Variants in MTSS1 observed in about 807,000 individuals in gnomAD.
The protein encoded by MTSS1 is protein MTSS 1.
In MTSS1, 18 loss-of-function variants were observed where a neutral mutation model predicts 79.0. That is an observed-to-expected ratio of 0.23 (90% CI 0.16 to 0.34). The LOEUF (loss-of-function observed/expected upper bound fraction) is 0.34, where lower values mean the gene tolerates loss of function less well. Ranked by LOEUF, MTSS1 falls within the 10% of genes least tolerant of loss-of-function variation. The pLI is 1.00. For synonymous variants in MTSS1, 341 were observed against 368.6 expected (o/e 0.93, Z 0.86); for missense variants, 815 against 986.2 (o/e 0.83, Z 2.33).
intron 3 of MTSS1, among the ~76,000 whole-genome samples, chr8:124,660,009 A>G (rs2134350236): frequency 6.6e-6 from 1 of 152,208 alleles, no homozygotes; most frequent in Middle Eastern, 3.4e-3. Flanking sequence ...TAAGAGCCAT[A>G]GAGTATTAGA....
chr8:124,640,929 T>C (rs1053217830), intron 3 of MTSS1, among the ~76,000 whole-genome samples: 13 of 152,198 alleles, frequency 8.5e-5, no homozygotes, highest in Admixed American at 7.2e-4. Flanking sequence ...AATTTCTTTA[T>C]AAGTTGTTTT....
intron 3 of MTSS1, among the ~76,000 whole-genome samples, chr8:124,690,923 TGTATA>T (rs1244934292): frequency 6.6e-6 from 1 of 152,208 alleles, no homozygotes; most frequent in African/African-American, 2.4e-5. Flanking sequence ...CTAGTTCTTA[TGTATA>T]GTATGAGTTG....
chr8:124,687,225 C>T (rs1827133031), intron 3 of MTSS1, among the ~76,000 whole-genome samples: 1 of 152,112 alleles, frequency 6.6e-6, no homozygotes, highest in Non-Finnish European at 1.5e-5. Flanking sequence ...AGTCCATATG[C>T]CTGCATGGAA....
At chr8:124,707,033 C>A (rs1830474530) in intron 1 of MTSS1, among the ~76,000 whole-genome samples, 1 of 150,596 alleles carries the variant, frequency 6.6e-6, no homozygotes, top group South Asian at 2.1e-4. Context: ...CTTCGTCCGA[C>A]CATTCCTTCT....
intron 5 of MTSS1, among the ~76,000 whole-genome samples, chr8:124,589,292 A>G (rs1202664314): frequency 6.6e-6 from 1 of 152,100 alleles, no homozygotes; most frequent in East Asian, 1.9e-4. Flanking sequence ...CGGCCTCCCA[A>G]AGTGCCGGGA....
intron 10 of MTSS1, chr8:124,558,936 GCA>G (rs1824644759): frequency 7.2e-6 from 10 of 1,383,600 alleles, no homozygotes; most frequent in East Asian, 2.6e-5. Context: ...GTGGGGAAGG[GCA>G]CACACAGAGA....
chr8:124,677,937 AT>A (rs1825569247), intron 3 of MTSS1, among the ~76,000 whole-genome samples: 1 of 152,152 alleles, frequency 6.6e-6, no homozygotes. Context: ...AGTTACTCCT[AT>A]TTTCTGAATC....
rs1421031304 is a variant in MTSS1, at chr8:124,588,267, G to A, written c.385+1353C>T. ...AGGAGCCACCATTCACACTCCCAGA[G>A]CACCCGGTTGGGTCTTCATTGCAGT... On this transcript the variant is annotated intron_variant, in intron 5 of 13. Transcript: ENST00000518547. Among the ~76,000 whole-genome samples the A allele has an allele frequency of 2.0e-5, 3 of 152,300 alleles. No individual in the cohort carries two copies. In the East Asian group the frequency reaches 5.8e-4, roughly 29 times the overall value.
chr8:124,655,521 T>C (rs1820781630), intron 3 of MTSS1, among the ~76,000 whole-genome samples: 1 of 152,146 alleles, frequency 6.6e-6, no homozygotes, highest in Non-Finnish European at 1.5e-5. Flanking sequence ...ACTCAACAAA[T>C]AGTCATCTGG....
At chr8:124,586,922 A>C (rs1438234017) in intron 5 of MTSS1, among the ~76,000 whole-genome samples, 1 of 152,066 alleles carries the variant, frequency 6.6e-6, no homozygotes, top group African/African-American at 2.4e-5. Flanking sequence ...GGATGAGTAG[A>C]CCTCTCTGCA....
chr8:124,561,020 G>A (rs1050873125), intron 10 of MTSS1, among the ~76,000 whole-genome samples: 1 of 152,210 alleles, frequency 6.6e-6, no homozygotes, highest in South Asian at 2.1e-4. Flanking sequence ...TCTGGCTAAT[G>A]TGATCTGTAC....
chr8:124,671,400 C>G (rs1391647376), intron 3 of MTSS1, among the ~76,000 whole-genome samples: 1 of 152,164 alleles, frequency 6.6e-6, no homozygotes. Flanking sequence ...ACTGTCCTCC[C>G]TCTTTCCACC....
intron 1 of MTSS1, among the ~76,000 whole-genome samples, chr8:124,720,685 T>C (rs1358119234): frequency 2.6e-5 from 4 of 152,260 alleles, no homozygotes; most frequent in South Asian, 4.1e-4. Flanking sequence ...GCAACTTCAC[T>C]GCAAGCTCTA....
chr8:124,629,794 C>T (rs560935447), intron 3 of MTSS1, among the ~76,000 whole-genome samples: 40 of 152,278 alleles, frequency 2.6e-4, no homozygotes, highest in African/African-American at 9.4e-4. Flanking sequence ...CACAAGGCCA[C>T]CCCCCTCCAT....
intron 1 of MTSS1, among the ~76,000 whole-genome samples, chr8:124,723,877 G>A (rs1422819745): frequency 3.3e-5 from 5 of 152,180 alleles, no homozygotes; most frequent in African/African-American, 4.8e-5. Context: ...GCCTTGGTTG[G>A]GTTTTCAGTG....
intron 1 of MTSS1, among the ~76,000 whole-genome samples, chr8:124,711,375 A>G (rs1831137415): frequency 1.3e-5 from 2 of 152,210 alleles, no homozygotes; most frequent in South Asian, 4.1e-4. Context: ...TTTAGAGCTG[A>G]GGAAACTGAT....
rs144344768 is a variant in MTSS1, at chr8:124,606,781, G to A, written c.209-15546C>T. ...CTCGCTCAACTGTGTACAGTTGGCC[G>A]GTCTGCATCCAAGGCCATGAGTTCA... On this transcript the variant is annotated intron_variant, in intron 3 of 13. Transcript: ENST00000518547. Among the ~76,000 whole-genome samples the A allele has an allele frequency of 9.9e-5, 15 of 152,130 alleles. No individual in the cohort carries two copies. In the East Asian group the frequency reaches 1.4e-3, roughly 14 times the overall value.
chr8:124,688,805 G>T (rs1382383932), intron 3 of MTSS1, among the ~76,000 whole-genome samples: 1 of 152,060 alleles, frequency 6.6e-6, no homozygotes, highest in Admixed American at 6.6e-5. Context: ...GGGAAATCAC[G>T]CAATAGAAAA....
intron 3 of MTSS1, among the ~76,000 whole-genome samples, chr8:124,640,944 C>G (rs1239064998): frequency 6.6e-6 from 1 of 152,150 alleles, no homozygotes; most frequent in East Asian, 1.9e-4. Flanking sequence ...TGTTTTGCAA[C>G]TCTTTCCAAA....
Sources: gnomAD v4.1 joint callset for allele counts (sites outside exome capture counted in the v4.1 genomes callset) on GRCh38, gnomAD v4.1.1 for gene constraint, MANE v1.5 for transcripts, NCBI Gene and HGNC (gene_info 2026-07-23, HGNC 2026-07-21) for gene names.